The following BNC2 variants were observed in gnomAD, a reference collection of about 807,000 sequenced individuals.
BNC2 encodes the protein zinc finger protein basonuclin-2.
BNC2 carries 20 observed loss-of-function variants against 76.3 expected under a neutral mutation model. The observed-to-expected ratio is 0.26, with a 90% confidence interval of 0.18 to 0.38. The LOEUF (loss-of-function observed/expected upper bound fraction) is 0.38, where lower values mean the gene tolerates loss of function less well. Among genes scored for constraint, BNC2 ranks in the 10% least tolerant of loss-of-function variants. The probability of loss-of-function intolerance (pLI) is 1.00; values close to 1 mark genes in which losing one functional copy is unlikely to be tolerated. For synonymous variants in BNC2, 582 were observed against 514.8 expected, an observed-to-expected ratio of 1.13 and a Z score of -1.77; for missense variants, 1,382 against 1,399.8, an observed-to-expected ratio of 0.99 and a Z score of 0.20.
intron 5 of BNC2, among the ~76,000 whole-genome samples, chr9:16,485,736 G>A (rs749336513): frequency 5.9e-5 from 9 of 152,108 alleles, no homozygotes; most frequent in South Asian, 2.1e-4. Flanking sequence ...TTGAGCCCAC[G>A]AGGGCGAGAC....
At chr9:16,696,459 T>C (rs1823340741) in intron 3 of BNC2, among the ~76,000 whole-genome samples, 1 of 152,232 alleles carries the variant, frequency 6.6e-6, no homozygotes, top group Non-Finnish European at 1.5e-5. Context: ...TATTTCCTGA[T>C]GCCACTTCTT....
chr9:16,456,645 T>C (rs1821455814), intron 5 of BNC2, among the ~76,000 whole-genome samples: 1 of 152,102 alleles, frequency 6.6e-6, no homozygotes, highest in African/African-American at 2.4e-5. Context: ...TCTCCCCAAA[T>C]GCTCTGGCAG....
intron 1 of BNC2, among the ~76,000 whole-genome samples, chr9:16,869,396 G>A (rs1819620170): frequency 1.4e-5 from 2 of 146,858 alleles, no homozygotes; most frequent in African/African-American, 5.2e-5. Context: ...TGTAACCACA[G>A]TCCTGGGCTC....
At chr9:16,465,337 T>C (rs1465931808) in intron 5 of BNC2, among the ~76,000 whole-genome samples, 1 of 146,754 alleles carries the variant, frequency 6.8e-6, no homozygotes, top group Non-Finnish European at 1.5e-5. Context: ...TATGGAGGCT[T>C]AGGCATGAGA....
intron 3 of BNC2, among the ~76,000 whole-genome samples, chr9:16,595,896 A>G (rs1210232399): frequency 2.0e-5 from 3 of 151,468 alleles, no homozygotes; most frequent in Non-Finnish European, 4.4e-5. Context: ...CCTTGTGGAG[A>G]AAAAAAAAGT....
At chr9:16,760,174 C>T (rs1185706369) in intron 1 of BNC2, among the ~76,000 whole-genome samples, 1 of 152,154 alleles carries the variant, frequency 6.6e-6, no homozygotes, top group Non-Finnish European at 1.5e-5. Flanking sequence ...AAGTAATCAG[C>T]TTCATTTTAA....
At chr9:16,468,040 CTTT>C (rs748053541) in intron 5 of BNC2, among the ~76,000 whole-genome samples, 11 of 129,540 alleles carry the variant, frequency 8.5e-5, no homozygotes, top group African/African-American at 2.5e-4. Context: ...CTTTCTTTCT[CTTT>C]TTTTTTTTTT....
chr9:16,660,288 C>T (rs1407828573), intron 3 of BNC2, among the ~76,000 whole-genome samples: 1 of 152,120 alleles, frequency 6.6e-6, no homozygotes, highest in Non-Finnish European at 1.5e-5. Context: ...AACTCTGTCT[C>T]TACTAAAAAT....
At position 16,605,267 on chromosome 9, in the gene BNC2, A is replaced by C. The variant is rs1475342410; in HGVS notation, c.331-22182T>G. Among the ~76,000 whole-genome samples, 3 of 152,250 alleles carry C rather than the reference A, an allele frequency of 2.0e-5. No homozygotes were observed. The East Asian group carries it at 5.8e-4, about 29-fold the overall frequency. The stretch of plus-strand genomic sequence containing the variant: ...TTTGCATATTTCATATATTATCTGC[A>C]AAGTTAAGTTTAAAAATACTGGCAA... On this transcript the variant is annotated intron_variant, in intron 3 of 6. Coordinates refer to ENST00000380672, the MANE Select transcript of BNC2 (RefSeq NM_017637.6).
chr9:16,850,301 T>A (rs905206491), intron 1 of BNC2, among the ~76,000 whole-genome samples: 1 of 152,202 alleles, frequency 6.6e-6, no homozygotes, highest in African/African-American at 2.4e-5. Flanking sequence ...GTCAGTGGAA[T>A]GATATTTATA....
chr9:16,628,278 T>C (rs1312228503), intron 3 of BNC2, among the ~76,000 whole-genome samples: 1 of 152,168 alleles, frequency 6.6e-6, no homozygotes, highest in East Asian at 1.9e-4. Flanking sequence ...CAGGGCGGCT[T>C]TGTCTCTGTT....
chr9:16,418,886 C>CACACACAA lies in BNC2; in HGVS notation c.*102_*103insTTGTGTGT. The stretch of plus-strand genomic sequence containing the variant: ...GCATACATAAATGCACACACACACA[C>CACACACAA]ACACACACACACACCCCAAGTACAT... On this transcript the variant is annotated 3_prime_UTR_variant, in exon 7 of 7. Transcript: ENST00000380672. The CACACACAA allele has an allele frequency of 1.6e-6, 2 of 1,289,856 alleles. No individual in the cohort carries two copies. Among genetic ancestry groups the CACACACAA allele is most frequent in the Non-Finnish European group, 2.3e-6 (2 of 887,962 alleles). 79.9% of individuals were successfully genotyped at this position (1,289,856 alleles called of 1,614,324 possible).
chr9:16,713,960 G>A (rs144391884), intron 3 of BNC2, among the ~76,000 whole-genome samples: 6 of 152,092 alleles, frequency 3.9e-5, no homozygotes, highest in Admixed American at 3.9e-4. Context: ...CTATATTCCA[G>A]GTACTCCAGA....
At chr9:16,580,792 G>A (rs1819611384) in intron 4 of BNC2, among the ~76,000 whole-genome samples, 1 of 152,090 alleles carries the variant, frequency 6.6e-6, no homozygotes, top group African/African-American at 2.4e-5. Flanking sequence ...CTCATCTACT[G>A]TCCATTTTAC....
At chr9:16,832,219 G>T (rs1383781253) in intron 1 of BNC2, 1 of 1,164,046 alleles carries the variant, frequency 8.6e-7, no homozygotes, top group East Asian at 5.9e-5. Context: ...GGAAAAATAT[G>T]AAACTATTAC....
In BNC2 at chr9:16,411,997, A is replaced by G. The variant is rs1213568400; in HGVS notation, c.*6992T>C. On this transcript the variant is annotated 3_prime_UTR_variant, in exon 7 of 7. Transcript: ENST00000380672. ...TTCCAACCATCATTTGAGTATTTCA[A>G]TATACAAAAATAGCAGCCAATCTTT... 2.0e-5 allele frequency: 3 copies of G among 152,408 alleles called. No individual in the cohort carries two copies. Among genetic ancestry groups the G allele is most frequent in the African/African-American group, 7.2e-5 (3 of 41,452 alleles). The allele number at this position is 152,408 out of a possible 1,614,324, so 9.4% of individuals were successfully genotyped here. A position where few individuals can be genotyped will look rare whatever the true frequency, so the allele number is the denominator to read the frequency against.
In BNC2 at chr9:16,667,108, C is replaced by T. The variant is rs192033434; in HGVS notation, c.330+60689G>A. Among the ~76,000 whole-genome samples, 58 of 146,734 alleles carry T rather than the reference C, an allele frequency of 4.0e-4. No individual in the cohort carries two copies. The East Asian group carries it at 4.9e-3, about 12-fold the overall frequency. On this transcript the variant is annotated intron_variant, in intron 3 of 6. Coordinates refer to ENST00000380672, the MANE Select transcript of BNC2 (RefSeq NM_017637.6). ...ACACACACACACACACACACACACA[C>T]GCACACACGCACACACGCCGATGTT...
chr9:16,469,412 C>T (rs1821771491), intron 5 of BNC2, among the ~76,000 whole-genome samples: 1 of 152,194 alleles, frequency 6.6e-6, no homozygotes, highest in African/African-American at 2.4e-5. Flanking sequence ...TCTGCTTTTG[C>T]TTCTTCCTCA....
At chr9:16,546,594 G>C (rs1024506077) in intron 5 of BNC2, among the ~76,000 whole-genome samples, 2 of 152,258 alleles carry the variant, frequency 1.3e-5, no homozygotes. Context: ...ACAGAAATGA[G>C]AGCGAATAGA....
Sources: allele counts gnomAD v4.1 joint callset (sites outside exome capture counted in the v4.1 genomes callset), GRCh38; gene constraint gnomAD v4.1.1; transcripts MANE v1.5; gene names NCBI Gene and HGNC (gene_info 2026-07-23, HGNC 2026-07-21).